The following DPYSL4 variants were observed in gnomAD, a reference collection of about 807,000 sequenced individuals.
DPYSL4 encodes dihydropyrimidinase-related protein 4.
DPYSL4 carries 43 observed loss-of-function variants against 63.4 expected under a neutral mutation model. The observed-to-expected ratio is 0.68, with a 90% CI of 0.53 to 0.88. DPYSL4 has a LOEUF of 0.88. Ranked by LOEUF, DPYSL4 falls within the 40% of genes least tolerant of loss-of-function variation. The pLI is 0.00. For synonymous variants in DPYSL4, 353 were observed against 331.7 expected (o/e 1.06, Z -0.70); for missense variants, 733 against 819.5 (o/e 0.89, Z 1.29).
rs570816373 is a variant in DPYSL4, at chr10:132,197,533, G to A, written c.621+432G>A. Among the ~76,000 whole-genome samples the A allele has an allele frequency of 2.0e-5, 3 of 152,302 alleles. No homozygotes were observed. In the South Asian group the frequency reaches 6.2e-4, roughly 32 times the overall value. On this transcript the variant is annotated intron_variant, in intron 6 of 13. Coordinates refer to ENST00000338492, the MANE Select transcript of DPYSL4 (RefSeq NM_006426.3). ...AGGGCCTGAGCCCGCGTGCAGTGGC[G>A]CCGACCCCCCAGGCCCTTGGGGCTG...
chr10:132,194,328 G>T (rs2061913739), intron 3 of DPYSL4, among the ~76,000 whole-genome samples: 1 of 152,254 alleles, frequency 6.6e-6, no homozygotes, highest in African/African-American at 2.4e-5. Flanking sequence ...TGTGTGGTTG[G>T]TGGGGCAGCA....
At chr10:132,195,496 G>A (rs565018093) in intron 4 of DPYSL4, among the ~76,000 whole-genome samples, 3 of 152,156 alleles carry the variant, frequency 2.0e-5, no homozygotes, top group African/African-American at 4.8e-5. Context: ...GATTATAGCC[G>A]ATCTCTCCTA....
In DPYSL4 at chr10:132,204,747, C is replaced by A; in HGVS notation, c.1628-92C>A. 4 of 1,162,836 alleles carry A rather than the reference C, an allele frequency of 3.4e-6. No homozygotes were observed. The East Asian group carries it at 7.7e-5, about 22-fold the overall frequency. The allele number at this position is 1,162,836 out of a possible 1,614,324, so 72.0% of individuals were successfully genotyped here. On this transcript the variant is annotated intron_variant, in intron 13 of 13. Coordinates refer to ENST00000338492, the MANE Select transcript of DPYSL4 (RefSeq NM_006426.3). ...CGGGGGCTCTGCAGTCCTGGCCCCA[C>A]TGACGCAGCCACTGACTCTGCCTCA...
rs745721815 is a variant in DPYSL4, at chr10:132,190,820, A to C, written c.113A>C (p.Glu38Ala). Residue 38 changes from glutamate (E) to alanine (A), a missense_variant, in exon 2 of 14, where the codon GAA becomes GCA. Coordinates refer to ENST00000338492, the MANE Select transcript of DPYSL4 (RefSeq NM_006426.3). ...DQSFYADVHV[E>A]DGLIKQIGEN... ...TCCTTTTACGCTGATGTGCACGTGG[A>C]AGATGGCTTGATAAAGTAAGTTTCC... The C allele has an allele frequency of 1.2e-6, 2 of 1,613,334 alleles. No individual in the cohort carries two copies. Among genetic ancestry groups the C allele is most frequent in the South Asian group, 2.2e-5 (2 of 91,076 alleles).
rs898121482 is a variant in DPYSL4 at position 132,204,012 on chromosome 10, C to T, written c.1627+85C>T. On this transcript the variant is annotated intron_variant, in intron 13 of 13. Transcript: ENST00000338492. ...CAGGTACCAGGGCCCAGCCTGTGCC[C>T]AGAGGGGCTGCACACGGAAGGCACC... 20 of 1,500,782 alleles carry T rather than the reference C, an allele frequency of 1.3e-5. No individual in the cohort carries two copies. In the African/African-American group the frequency reaches 2.6e-4, roughly 20 times the overall value. The allele number at this position is 1,500,782 out of a possible 1,614,324, so 93.0% of individuals were successfully genotyped here. A position where few individuals can be genotyped will look rare whatever the true frequency, so the allele number is the denominator to read the frequency against.
At chr10:132,201,134 G>A (rs2062011702) in intron 10 of DPYSL4, 151 bp downstream of exon 10, 7 of 1,206,370 alleles carry the variant, frequency 5.8e-6, no homozygotes, top group African/African-American at 3.1e-5. Context: ...CCCCACCCAG[G>A]GCGCCTCAGA....
chr10:132,198,491 C>T lies in DPYSL4; in HGVS notation c.690+8C>T. ...CTCAGCCACCCCGAGGAGGTAAGAT[C>T]CCAGGGCACCACAGCACACCCGAGC... On this transcript the variant is annotated splice_region_variant and intron_variant, in intron 7 of 13. Coordinates refer to ENST00000338492, the MANE Select transcript of DPYSL4 (RefSeq NM_006426.3). The T allele has an allele frequency of 5.0e-6, 8 of 1,597,160 alleles. No individual in the cohort carries two copies. Among genetic ancestry groups the T allele is most frequent in the Non-Finnish European group, 6.8e-6 (8 of 1,175,278 alleles).
chr10:132,190,573 C>A (rs557976404), intron 1 of DPYSL4, among the ~76,000 whole-genome samples, 174 bp from the exon 2 acceptor site: 3 of 152,366 alleles, frequency 2.0e-5, no homozygotes, highest in South Asian at 4.1e-4. Context: ...TGTTTTTGAG[C>A]GCCTGGTGCC....
rs1384934309 is a variant in DPYSL4 at position 132,205,390 on chromosome 10, C to CAA, written c.*461_*462insAA. 6.4e-6 allele frequency: 1 copy of CAA among 155,982 alleles called. No homozygotes were observed. Among genetic ancestry groups the CAA allele is most frequent in the African/African-American group, 2.4e-5 (1 of 41,550 alleles). 9.7% of individuals were successfully genotyped at this position (155,982 alleles called of 1,614,324 possible). On this transcript the variant is annotated 3_prime_UTR_variant, in exon 14 of 14. Transcript: ENST00000338492. ...GCCCTACACTCCCGCAGCCGCTCCT[C>CAA]AGAGGCCTGTGCCCATCGCAGGCCT...
intron 1 of DPYSL4, among the ~76,000 whole-genome samples, chr10:132,187,330 G>GGCCCGGCCCGGCCCTGCCCGGCCCT (rs2061811902): frequency 4.0e-5 from 1 of 25,122 alleles, no homozygotes; most frequent in African/African-American, 1.1e-4. Flanking sequence ...GCCCAGGCCC[G>GGCCCGGCCCGGCCCTGCCCGGCCCT]GCCCGGCCCG....
chr10:132,194,908 G>T lies in DPYSL4; in HGVS notation c.377G>T (p.Arg126Leu). Residue 126 changes from arginine to leucine, a missense_variant, in exon 4 of 14, where the codon CGG becomes CTG. Coordinates refer to ENST00000338492, the MANE Select transcript of DPYSL4 (RefSeq NM_006426.3). ...LLAAYEQWRE[R>L]ADSAACCDYS... Reference sequence around the variant, plus strand: ...GCGGCCTACGAGCAGTGGCGGGAGCGGGCGGACAGCGCGGCCTGCTGCGAC... The same window carrying T: ...GCGGCCTACGAGCAGTGGCGGGAGCTGGCGGACAGCGCGGCCTGCTGCGAC... 6.2e-7 allele frequency: 1 copy of T among 1,612,606 alleles called. No individual in the cohort carries two copies. The highest frequency in any genetic ancestry group is 8.5e-7 in the Non-Finnish European group (1 of 1,179,912).
intron 12 of DPYSL4, 62 bp downstream of exon 12, chr10:132,202,887 A>C: frequency 7.2e-6 from 11 of 1,528,764 alleles, no homozygotes; most frequent in Non-Finnish European, 9.7e-6. Flanking sequence ...TTCTAGGCCC[A>C]GAACGCACCC....
chr10:132,201,135 G>A (rs991817447), intron 10 of DPYSL4, 152 bp downstream of exon 10: 2 of 1,196,942 alleles, frequency 1.7e-6, no homozygotes, highest in Admixed American at 5.4e-5. Flanking sequence ...CCCACCCAGG[G>A]CGCCTCAGAC....
At chr10:132,202,509 G>C (rs2062032134) in intron 11 of DPYSL4, 137 bp from the exon 12 acceptor site, 1 of 1,151,760 alleles carries the variant, frequency 8.7e-7, no homozygotes, top group Non-Finnish European at 1.2e-6. Context: ...CTCAGTTCCA[G>C]CATCTTGCTA....
intron 3 of DPYSL4, among the ~76,000 whole-genome samples, chr10:132,194,036 G>A (rs1011935228): frequency 3.3e-5 from 5 of 152,228 alleles, no homozygotes; most frequent in South Asian, 2.1e-4. Context: ...CAAGGCACCC[G>A]GCCAGCTGTG....
chr10:132,199,261 TGAG>T (rs988583213), intron 8 of DPYSL4, among the ~76,000 whole-genome samples: 32 of 152,138 alleles, frequency 2.1e-4, no homozygotes, highest in African/African-American at 7.5e-4. Flanking sequence ...AATGGAATGA[TGAG>T]GAGGGTCTCC....
intron 10 of DPYSL4, 77 bp from the exon 11 acceptor site, chr10:132,201,869 T>A: frequency 6.8e-7 from 1 of 1,472,090 alleles, no homozygotes; most frequent in Non-Finnish European, 9.2e-7. Context: ...GGGGTCCTGG[T>A]GGCCCAGTGT....
At chr10:132,202,608 A>G (rs1488256172) in intron 11 of DPYSL4, 38 bp from the exon 12 acceptor site, 9 of 1,606,880 alleles carry the variant, frequency 5.6e-6, no homozygotes, top group Non-Finnish European at 7.6e-6. Context: ...GTTGGGCCCC[A>G]GCGTGGAGGC....
rs764493908 is a variant in DPYSL4 at position 132,192,761 on chromosome 10, A to C, written c.232A>C (p.Met78Leu). ...CGTTGACGTCCACACAAGGCTGCAG[A>C]TGCCTGTCCTGGGCATGACACCGGC... Reference protein sequence around the residue: ...GGVDVHTRLQMPVLGMTPADD... With the variant: ...GGVDVHTRLQLPVLGMTPADD... The change falls in exon 3 of 14, where the codon ATG (methionine) becomes CTG (leucine). Residue 78 changes from methionine (M) to leucine (L), a missense_variant. Met to Leu is a conservative substitution (Grantham distance 15). Transcript: ENST00000338492. 4.3e-6 allele frequency: 7 copies of C among 1,613,388 alleles called. No individual in the cohort carries two copies. Among genetic ancestry groups the C allele is most frequent in the African/African-American group, 1.3e-5 (1 of 75,054 alleles).
Sources: allele counts gnomAD v4.1 joint callset (sites outside exome capture counted in the v4.1 genomes callset), GRCh38; gene constraint gnomAD v4.1.1; transcripts MANE v1.5; gene names NCBI Gene and HGNC (gene_info 2026-07-23, HGNC 2026-07-21).